SLC48A1: variants seen among roughly 807,000 people sequenced by gnomAD.
The protein encoded by SLC48A1 is heme transporter HRG1.
Under a neutral mutation model 14.8 loss-of-function variants are expected in SLC48A1, and 6 were observed. That is an observed-to-expected ratio of 0.41 (90% CI 0.22 to 0.80). The LOEUF is 0.80. SLC48A1 is among the 30% of genes least tolerant of loss of function. The probability of loss-of-function intolerance (pLI) is 0.34; values close to 1 mark genes in which losing one functional copy is unlikely to be tolerated. For missense variants in SLC48A1, 165 were observed against 204.8 expected (o/e 0.81, Z 1.19); for synonymous variants, 89 against 90.0 (o/e 0.99, Z 0.06).
chr12:47,758,556 T>C (rs1263576060), upstream of SLC48A1: 4 of 1,613,066 alleles, frequency 2.5e-6, no homozygotes, highest in Non-Finnish European at 3.4e-6. Context: ...CCCACCTTCA[T>C]GTTTCTTTTC....
At chr12:47,765,791 T>C (rs1942503957) in intron 2 of SLC48A1, among the ~76,000 whole-genome samples, 2 of 152,244 alleles carry the variant, frequency 1.3e-5, no homozygotes, top group Non-Finnish European at 2.9e-5. Flanking sequence ...TGAGAGCTGC[T>C]CTGCTGTACT....
upstream of SLC48A1, among the ~76,000 whole-genome samples, chr12:47,767,810 G>A (rs551826933): frequency 1.7e-4 from 26 of 152,310 alleles, no homozygotes; most frequent in African/African-American, 4.1e-4. Flanking sequence ...AGTGTGGCAC[G>A]TTTGAGAAAC....
upstream of SLC48A1, among the ~76,000 whole-genome samples, chr12:47,755,529 C>T (rs969731089): frequency 2.0e-5 from 3 of 152,136 alleles, no homozygotes; most frequent in African/African-American, 7.2e-5. Context: ...TGATCTTGCC[C>T]CTGCCCCCGG....
intron 1 of SLC48A1, among the ~76,000 whole-genome samples, chr12:47,773,809 AACAC>A (rs34356737): frequency 1.1e-4 from 16 of 150,716 alleles, no homozygotes; most frequent in Admixed American, 5.9e-4. Context: ...CCTATCCCCA[AACAC>A]ACACACACAC....
In SLC48A1 at chr12:47,780,690, T is replaced by G. The variant is rs1314146911; in HGVS notation, c.*409T>G. Reference sequence around the variant, plus strand: ...CAAGCAATTCTCCTGCCTTGGCCTCTCAAGTAGCTGGGATTACAGGCATCT... The same window carrying G: ...CAAGCAATTCTCCTGCCTTGGCCTCGCAAGTAGCTGGGATTACAGGCATCT... On this transcript the variant is annotated 3_prime_UTR_variant, in exon 3 of 3. Transcript: ENST00000442218. 5.0e-6 allele frequency: 2 copies of G among 402,870 alleles called. No homozygotes were observed. The highest frequency in any genetic ancestry group is 9.8e-6 in the Non-Finnish European group (2 of 204,834). The allele number at this position is 402,870 out of a possible 1,614,324, so 25.0% of individuals were successfully genotyped here.
chr12:47,762,254 C>T (rs1323432307), intron 2 of SLC48A1, among the ~76,000 whole-genome samples: 1 of 152,118 alleles, frequency 6.6e-6, no homozygotes, highest in African/African-American at 2.4e-5. Flanking sequence ...TCAGACCAGG[C>T]TTTGACTCTG....
intron 1 of SLC48A1, chr12:47,759,248 G>T: frequency 2.6e-6 from 1 of 379,534 alleles, no homozygotes; most frequent in Non-Finnish European, 3.6e-6. Flanking sequence ...GCCTCACCCG[G>T]GAGGGAAATC....
exon 1 of SLC48A1, chr12:47,758,602 TG>T (rs774314347): frequency 1.9e-6 from 3 of 1,612,374 alleles, no homozygotes; most frequent in Non-Finnish European, 2.5e-6. Flanking sequence ...AGCAAAAGGC[TG>T]GGGGGTCCCC....
At chr12:47,757,936 C>G (rs555142030), upstream of SLC48A1, 1 of 1,557,494 alleles carries the variant, frequency 6.4e-7, no homozygotes, top group African/African-American at 1.4e-5. Context: ...GCTTCGGGGC[C>G]GGTGCATCCT....
chr12:47,760,136 T>C, intron 1 of SLC48A1: 4 of 895,202 alleles, frequency 4.5e-6, no homozygotes, highest in Non-Finnish European at 5.3e-6. Context: ...CTTACTAAAA[T>C]GCAGGCTCCG....
chr12:47,760,727 CTG>C (rs59380697), intron 2 of SLC48A1, among the ~76,000 whole-genome samples: 14,801 of 152,224 alleles, frequency 0.097, 929 homozygotes, highest in Non-Finnish European at 0.14. Context: ...GATGGGGAAA[CTG>C]AGGCTCAGGG....
Position 47,773,361 on chromosome 12 carries a change from C to G in SLC48A1, c.57C>G (p.Ser19=). The G allele has an allele frequency of 1.4e-6, 2 of 1,478,610 alleles. No individual in the cohort carries two copies. Among genetic ancestry groups the G allele is most frequent in the African/African-American group, 1.5e-5 (1 of 68,066 alleles). 91.6% of individuals were successfully genotyped at this position (1,478,610 alleles called of 1,614,324 possible). ...GLRAAYSGIS[S]VAGFSIFLVW... ...GCGCCGCCTACTCCGGCATCAGCTC[C>G]GTGGCCGGCTTCTCCATCTTCCTCG... Residue 19 remains serine (S), a synonymous_variant, in exon 1 of 3, where the codon TCC becomes TCG. Transcript: ENST00000442218.
intron 2 of SLC48A1, among the ~76,000 whole-genome samples, chr12:47,779,806 G>C (rs186846420): frequency 6.6e-6 from 1 of 152,210 alleles, no homozygotes; most frequent in Non-Finnish European, 1.5e-5. Flanking sequence ...TCAGGTCAGC[G>C]GCGGGCATTA....
chr12:47,761,268 C>G (rs1942374760), intron 2 of SLC48A1, among the ~76,000 whole-genome samples: 1 of 151,908 alleles, frequency 6.6e-6, no homozygotes, highest in Non-Finnish European at 1.5e-5. Flanking sequence ...CTCAGGGAGC[C>G]AAGGATCACT....
At chr12:47,758,777 T>C in intron 1 of SLC48A1, 1 of 803,602 alleles carries the variant, frequency 1.2e-6, no homozygotes. Flanking sequence ...GGGGGCGTGG[T>C]GGGGGGACGC....
chr12:47,775,701 C>T (rs1340813255), intron 1 of SLC48A1, among the ~76,000 whole-genome samples: 3 of 152,246 alleles, frequency 2.0e-5, no homozygotes, highest in Non-Finnish European at 4.4e-5. Flanking sequence ...GTAGCCCCAG[C>T]ATGCTCCTTC....
chr12:47,778,969 G>A lies in SLC48A1; in HGVS notation c.137-59G>A, dbSNP rs994161165. 2.7e-6 allele frequency: 4 copies of A among 1,503,188 alleles called. No homozygotes were observed. The African/African-American group carries it at 5.6e-5, about 21-fold the overall frequency. The allele number at this position is 1,503,188 out of a possible 1,614,324, so 93.1% of individuals were successfully genotyped here. A position where few individuals can be genotyped will look rare whatever the true frequency, so the allele number is the denominator to read the frequency against. ...TTCTTATGCAAATAGGCCTGGTCTA[G>A]TGGATCTGCAGGGCTCTGGAGCACC... On this transcript the variant is annotated intron_variant, in intron 1 of 2. Transcript: ENST00000442218.
At chr12:47,776,042 TCC>T (rs1019509841) in intron 1 of SLC48A1, among the ~76,000 whole-genome samples, 3 of 152,208 alleles carry the variant, frequency 2.0e-5, no homozygotes, top group Admixed American at 2.0e-4. Context: ...TCTATGTTTT[TCC>T]CAGGTGAGCT....
chr12:47,774,448 C>T (rs890627942), intron 1 of SLC48A1, among the ~76,000 whole-genome samples: 3 of 152,068 alleles, frequency 2.0e-5, no homozygotes, highest in Non-Finnish European at 4.4e-5. Context: ...ATTGCTTACC[C>T]GGGATTACAC....
Sources: gnomAD v4.1 joint callset for allele counts (sites outside exome capture counted in the v4.1 genomes callset) on GRCh38, gnomAD v4.1.1 for gene constraint, MANE v1.5 for transcripts, NCBI Gene and HGNC (gene_info 2026-07-23, HGNC 2026-07-21) for gene names.